NTNG2: variants seen among roughly 807,000 people sequenced by gnomAD.
The protein encoded by NTNG2 is netrin-G2.
NTNG2 carries 15 observed loss-of-function variants against 47.6 expected under a neutral mutation model. The ratio of observed to expected loss-of-function variants is 0.32; its 90% confidence interval spans 0.21 to 0.49. The LOEUF (loss-of-function observed/expected upper bound fraction) is 0.49, where lower values mean the gene tolerates loss of function less well. Ranked by LOEUF, NTNG2 falls within the 20% of genes least tolerant of loss-of-function variation. The pLI is 0.99. For missense variants in NTNG2, 578 were observed against 764.6 expected, an observed-to-expected ratio of 0.76 and a Z score of 2.88; for synonymous variants, 307 against 324.6, an observed-to-expected ratio of 0.95 and a Z score of 0.58.
chr9:132,227,702 C>T (rs1461224829), intron 4 of NTNG2, among the ~76,000 whole-genome samples: 2 of 152,220 alleles, frequency 1.3e-5, no homozygotes, highest in Non-Finnish European at 2.9e-5. Context: ...CTCCTGTCCT[C>T]GCCCAGCCAT....
At chr9:132,177,574 G>A (rs1215452214) in intron 2 of NTNG2, among the ~76,000 whole-genome samples, 1 of 152,188 alleles carries the variant, frequency 6.6e-6, no homozygotes, top group Non-Finnish European at 1.5e-5. Flanking sequence ...CCCACTAAAT[G>A]TTCTTGGCAA....
intron 3 of NTNG2, among the ~76,000 whole-genome samples, chr9:132,220,843 T>G (rs1374841413): frequency 6.6e-6 from 1 of 152,222 alleles, no homozygotes; most frequent in Non-Finnish European, 1.5e-5. Context: ...ACTTCATTCT[T>G]TTTACGTGGG....
Position 132,226,975 on chromosome 9 carries a change from G to C in NTNG2, c.984G>C (p.Trp328Cys). ...AGAAGAATTTCCGCACCCGGTCCTG[G>C]CGGGCCGGCTCCTACCTGCCGCTGC... is the stretch of plus-strand genomic sequence containing the variant. Reference protein sequence around the residue: ...KCKKNFRTRSWRAGSYLPLPH... With the variant: ...KCKKNFRTRSCRAGSYLPLPH... The change falls in exon 4 of 8, where the codon TGG (tryptophan) becomes TGC (cysteine). Residue 328 changes from tryptophan to cysteine, a missense_variant. Coordinates refer to ENST00000393229, the MANE Select transcript of NTNG2 (RefSeq NM_032536.4). The surrounding 1 kb of genome is among the most constrained non-coding windows in gnomAD (Gnocchi z 4.8). 1 of 1,610,972 alleles carries C rather than the reference G, an allele frequency of 6.2e-7. No homozygotes were observed. Among genetic ancestry groups the C allele is most frequent in the Non-Finnish European group, 8.5e-7 (1 of 1,179,616 alleles).
rs915324851 is a variant in NTNG2 at position 132,162,405 on chromosome 9, C to G, written c.-484+166C>G. On this transcript the variant is annotated intron_variant, in intron 1 of 7. Transcript: ENST00000393229. This position sits in a 1 kb window ranked among gnomAD's most constrained non-coding sequence, Gnocchi z 4.6. The stretch of plus-strand genomic sequence containing the variant: ...CTCGGATGCAAAAGTTGTTTGGTGG[C>G]GGCTGCTACGAGCTGAGAACTGGAG... Among the ~76,000 whole-genome samples, 7 of 152,100 alleles carry G rather than the reference C, an allele frequency of 4.6e-5. No homozygotes were observed. Among genetic ancestry groups the G allele is most frequent in the Non-Finnish European group, 1.0e-4 (7 of 68,008 alleles).
At chr9:132,168,102 A>G (rs1835630407) in intron 2 of NTNG2, among the ~76,000 whole-genome samples, 1 of 152,236 alleles carries the variant, frequency 6.6e-6, no homozygotes, top group Non-Finnish European at 1.5e-5. Context: ...CAGGTGGGGT[A>G]ACTGAGGCAG....
chr9:132,183,654 T>C (rs1382751309), intron 2 of NTNG2, among the ~76,000 whole-genome samples: 1 of 152,136 alleles, frequency 6.6e-6, no homozygotes, highest in Non-Finnish European at 1.5e-5. Context: ...AGGGAGCAAA[T>C]TGCCCGAGTC....
At chr9:132,170,449 C>G (rs546528574) in intron 2 of NTNG2, among the ~76,000 whole-genome samples, 1 of 152,206 alleles carries the variant, frequency 6.6e-6, no homozygotes, top group Non-Finnish European at 1.5e-5. Context: ...GAGGTCAGCC[C>G]AGCAAGGCTG....
At chr9:132,229,578 C>T (rs1357956619) in intron 4 of NTNG2, among the ~76,000 whole-genome samples, 5 of 152,240 alleles carry the variant, frequency 3.3e-5, no homozygotes, top group African/African-American at 4.8e-5. Context: ...CACAGAGCCT[C>T]ACTTGGTCAC....
intron 2 of NTNG2, among the ~76,000 whole-genome samples, chr9:132,196,857 G>C (rs904631459): frequency 2.6e-5 from 4 of 152,138 alleles, no homozygotes; most frequent in African/African-American, 9.7e-5. Context: ...CCTGCCTCCC[G>C]TACTTCTGTC....
intron 2 of NTNG2, among the ~76,000 whole-genome samples, chr9:132,181,648 C>T (rs1410975984): frequency 2.0e-5 from 3 of 152,208 alleles, no homozygotes; most frequent in Non-Finnish European, 4.4e-5. Context: ...TATCCTTCTC[C>T]TCAGAGCAGA....
chr9:132,170,474 G>T (rs1236241827), intron 2 of NTNG2, among the ~76,000 whole-genome samples: 1 of 152,208 alleles, frequency 6.6e-6, no homozygotes, highest in Non-Finnish European at 1.5e-5. Context: ...CCGAGAAGGA[G>T]GCAGGAAGGG....
chr9:132,194,289 A>G (rs1838114032), intron 2 of NTNG2, among the ~76,000 whole-genome samples: 1 of 152,194 alleles, frequency 6.6e-6, no homozygotes, highest in Non-Finnish European at 1.5e-5. Context: ...CGAGCGGCAC[A>G]GACAGAGCCC....
intron 2 of NTNG2, among the ~76,000 whole-genome samples, chr9:132,169,069 G>A (rs192911094): frequency 2.0e-5 from 3 of 152,326 alleles, no homozygotes; most frequent in Non-Finnish European, 2.9e-5. Context: ...CTCATCCCAG[G>A]CAGCCAGCCT....
chr9:132,201,094 T>C (rs915148266), intron 3 of NTNG2, among the ~76,000 whole-genome samples: 2 of 152,230 alleles, frequency 1.3e-5, no homozygotes, highest in Non-Finnish European at 2.9e-5. Flanking sequence ...TTACCTTTCA[T>C]AAGGTGGCTC....
chr9:132,174,994 C>T (rs1166368753), intron 2 of NTNG2, among the ~76,000 whole-genome samples: 1 of 151,910 alleles, frequency 6.6e-6, no homozygotes, highest in Admixed American at 6.6e-5. Context: ...GAAGAGGACC[C>T]CATAGGCCAA....
chr9:132,165,295 GATATA>G (rs111311281), intron 1 of NTNG2, among the ~76,000 whole-genome samples: 3 of 152,088 alleles, frequency 2.0e-5, no homozygotes, highest in African/African-American at 7.2e-5. Context: ...TATCTATTTT[GATATA>G]ATATATTAAT....
chr9:132,172,665 G>A (rs1836010986), intron 2 of NTNG2, among the ~76,000 whole-genome samples: 1 of 151,884 alleles, frequency 6.6e-6, no homozygotes, highest in South Asian at 2.1e-4. Flanking sequence ...TGGATGCATG[G>A]GAGGAAGCAT....
chr9:132,231,794 G>A lies in NTNG2; in HGVS notation c.1054+1199G>A, dbSNP rs894866508. ...CCAGCACCCCACAGCCCACAGGTGG[G>A]TGCCAGGGTACAGCGACCCCTGTCA... On this transcript the variant is annotated intron_variant, in intron 5 of 7. Coordinates refer to ENST00000393229, the MANE Select transcript of NTNG2 (RefSeq NM_032536.4). The surrounding 1 kb of genome is among the most constrained non-coding windows in gnomAD (Gnocchi z 4.1). The A allele has an allele frequency of 3.0e-5, 5 of 165,976 alleles. No homozygotes were observed. Among genetic ancestry groups the A allele is most frequent in the Admixed American group, 5.7e-5 (1 of 17,500 alleles). The allele number at this position is 165,976 out of a possible 1,614,324, so 10.3% of individuals were successfully genotyped here.
rs1750550035 is a variant in NTNG2 at position 132,241,058 on chromosome 9, G to GT, written c.1357+15dup. 1 of 1,585,554 alleles carries GT rather than the reference G, an allele frequency of 6.3e-7. No individual in the cohort carries two copies. The highest frequency in any genetic ancestry group is 8.5e-7 in the Non-Finnish European group (1 of 1,171,628). On this transcript the variant is annotated intron_variant, in intron 7 of 7. Transcript: ENST00000393229. ...AGGGCTGCTACCGTGAGTGCGCGCC[G>GT]TCCCCCGTGGGCGGGGCCTGCGGAA...
Sources: allele counts gnomAD v4.1 joint callset (sites outside exome capture counted in the v4.1 genomes callset), GRCh38; gene constraint gnomAD v4.1.1; non-coding constraint Gnocchi (gnomAD v3.1); transcripts MANE v1.5; gene names NCBI Gene and HGNC (gene_info 2026-07-23, HGNC 2026-07-21).